Variants in CDH23 observed in about 807,000 individuals in gnomAD.
The protein encoded by CDH23 is cadherin related 23.
In CDH23, 189 loss-of-function variants were observed where a neutral mutation model predicts 317.1. The ratio of observed to expected loss-of-function variants is 0.60; its 90% CI spans 0.53 to 0.67. CDH23 has a LOEUF of 0.67. Among genes scored for constraint, CDH23 ranks in the 30% least tolerant of loss-of-function variants. The pLI, the probability that CDH23 is intolerant of heterozygous loss-of-function variation, is 0.00. For synonymous variants in CDH23, 1,839 were observed against 1,876.8 expected, an observed-to-expected ratio of 0.98 and a Z score of 0.52; for missense variants, 4,401 against 4,592.4, an observed-to-expected ratio of 0.96 and a Z score of 1.20.
At chr10:71,806,314 C>A (rs1408323487) in intron 57 of CDH23, 33 bp downstream of exon 57, 1 of 1,446,766 alleles carries the variant, frequency 6.9e-7, no homozygotes, top group Non-Finnish European at 9.5e-7. Context: ...CTGGTCACAC[C>A]CACACAGGGA....
Position 71,397,116 on chromosome 10 carries a change from C to CGGCAACTTTGATTCCTGGGAACT in CDH23, c.-208_-207insGGCAACTTTGATTCCTGGGAACT, listed in dbSNP as rs1847551986. ...GCGCCCAGTCCGAGCCCCCGGCGCGCCTGAAGTTGCGAGCGGCGAGCGGCG... is the reference window on the plus strand; with the variant it reads ...GCGCCCAGTCCGAGCCCCCGGCGCGCGGCAACTTTGATTCCTGGGAACTCTGAAGTTGCGAGCGGCGAGCGGCG... On this transcript the variant is annotated 5_prime_UTR_variant, in exon 1 of 70. It removes the in-frame stop codon of an upstream open reading frame in the 5' UTR. Coordinates refer to ENST00000224721, the MANE Select transcript of CDH23 (RefSeq NM_022124.6). This position sits in a 1 kb window ranked among gnomAD's most constrained non-coding sequence, Gnocchi z 4.8. 1.1e-5 allele frequency: 2 copies of CGGCAACTTTGATTCCTGGGAACT among 176,152 alleles called. No individual in the cohort carries two copies. The highest frequency in any genetic ancestry group is 2.4e-5 in the Non-Finnish European group (2 of 84,770). 10.9% of individuals were successfully genotyped at this position (176,152 alleles called of 1,614,324 possible).
intron 27 of CDH23, among the ~76,000 whole-genome samples, chr10:71,711,441 C>T (rs1411472734): frequency 6.6e-6 from 1 of 152,100 alleles, no homozygotes; most frequent in Non-Finnish European, 1.5e-5. Flanking sequence ...GCACCACCCC[C>T]TGGGGTGACC....
At chr10:71,734,410 G>A (rs1589384476) in intron 33 of CDH23, 69 bp downstream of exon 33, 1 of 1,510,770 alleles carries the variant, frequency 6.6e-7, no homozygotes, top group Non-Finnish European at 9.0e-7. Flanking sequence ...CCTAACCCAT[G>A]TCCTCGCCAG....
At chr10:71,671,182 A>G (rs1864131779) in intron 14 of CDH23, among the ~76,000 whole-genome samples, 2 of 150,732 alleles carry the variant, frequency 1.3e-5, no homozygotes, top group Admixed American at 1.3e-4. Context: ...CTGGTCTTGA[A>G]CTCCTGACCT....
intron 4 of CDH23, 111 bp from the exon 5 acceptor site, chr10:71,510,843 C>T: frequency 9.6e-7 from 1 of 1,043,374 alleles, no homozygotes; most frequent in Non-Finnish European, 1.5e-6. Context: ...TGCCTGGTTC[C>T]AGGCAAGCTC....
At position 71,690,551 on chromosome 10, in the gene CDH23, G is replaced by T. The variant is rs779489318; in HGVS notation, c.2143G>T (p.Gly715Cys). 4.4e-6 allele frequency: 7 copies of T among 1,608,636 alleles called. No individual in the cohort carries two copies. In the Admixed American group the frequency reaches 1.0e-4, roughly 23 times the overall value. Residue 715 changes from glycine (G) to cysteine (C), a missense_variant, in exon 20 of 70, where the codon GGC becomes TGC. By Grantham distance (159) the Gly-to-Cys change is radical. Around this residue, in one of 3 missense-constraint regions of CDH23, gnomAD observed 3,068 missense variants for 3,203.3 expected, o/e 0.96. Transcript: ENST00000224721. ...GQESIIYSLEGSTQFRINARS... is the reference protein window; with the variant it reads ...GQESIIYSLECSTQFRINARS... ...GGAGTCCATCATCTACTCCTTGGAA[G>T]GCTCCACCCAGTTTCGGATCAATGC...
intron 6 of CDH23, among the ~76,000 whole-genome samples, chr10:71,532,729 T>TTTTTTG (rs1855466966): frequency 2.0e-5 from 1 of 49,712 alleles, no homozygotes; most frequent in African/African-American, 1.2e-4. Flanking sequence ...TTTTTTTTGT[T>TTTTTTG]TTTTTTTTTT....
intron 17 of CDH23, among the ~76,000 whole-genome samples, chr10:71,679,811 C>T (rs970538476): frequency 3.9e-5 from 6 of 152,308 alleles, no homozygotes; most frequent in Non-Finnish European, 2.9e-5. Context: ...CAGGCAGGTC[C>T]GTGGGATGGA....
intron 38 of CDH23, among the ~76,000 whole-genome samples, chr10:71,764,326 T>C (rs527622398): frequency 3.3e-5 from 5 of 152,204 alleles, no homozygotes; most frequent in Admixed American, 3.3e-4. Flanking sequence ...ACAGAGAACT[T>C]ACGTAACTCA....
chr10:71,720,741 G>T (rs1330159040), intron 28 of CDH23, among the ~76,000 whole-genome samples: 5 of 152,244 alleles, frequency 3.3e-5, no homozygotes, highest in Admixed American at 3.3e-4. Context: ...GACTGTTAAA[G>T]CTGGAGAGGT....
rs1240089556 is a variant in CDH23 at position 71,731,898 on chromosome 10, AG to A, written c.3716-84del. ...GCAGCCCATGCTGGGTGGGCCACCC[AG>A]GGGGTATGGGTGTGGCAGCTTGAGA... is the stretch of plus-strand genomic sequence containing the variant. On this transcript the variant is annotated intron_variant, in intron 31 of 69. Coordinates refer to ENST00000224721, the MANE Select transcript of CDH23 (RefSeq NM_022124.6). The A allele has an allele frequency of 2.8e-6, 4 of 1,437,562 alleles. No homozygotes were observed. In the East Asian group the frequency reaches 7.3e-5, roughly 26 times the overall value. The allele number at this position is 1,437,562 out of a possible 1,614,324, so 89.1% of individuals were successfully genotyped here. A position where few individuals can be genotyped will look rare whatever the true frequency, so the allele number is the denominator to read the frequency against.
intron 3 of CDH23, among the ~76,000 whole-genome samples, chr10:71,478,590 C>T (rs1177340125): frequency 6.6e-6 from 1 of 152,208 alleles, no homozygotes; most frequent in Non-Finnish European, 1.5e-5. Context: ...TTTTACATCT[C>T]CAGGATCTGG....
rs1169298985 is a variant in CDH23, at chr10:71,806,079, A to G, written c.8064+82A>G. ...GCGGGTCTTGCACCTCGCCTCCTGGAAAGTCCCTAGGGGAACTGGCCACCG... is the reference window on the plus strand; with the variant it reads ...GCGGGTCTTGCACCTCGCCTCCTGGGAAGTCCCTAGGGGAACTGGCCACCG... On this transcript the variant is annotated intron_variant, in intron 56 of 69. Transcript: ENST00000224721. The G allele has an allele frequency of 5.2e-6, 8 of 1,534,100 alleles. No individual in the cohort carries two copies. The East Asian group carries it at 2.0e-4, about 38-fold the overall frequency.
intron 3 of CDH23, among the ~76,000 whole-genome samples, chr10:71,469,617 T>A (rs1851414674): frequency 6.6e-6 from 1 of 152,042 alleles, no homozygotes; most frequent in Non-Finnish European, 1.5e-5. Context: ...CCCCCCTTGT[T>A]TTTTTTGAGA....
chr10:71,490,488 A>C (rs1030065534), intron 3 of CDH23, among the ~76,000 whole-genome samples: 10 of 152,228 alleles, frequency 6.6e-5, no homozygotes, highest in Non-Finnish European at 4.4e-5. Flanking sequence ...TGAGTAGGTG[A>C]GTGAATAATG....
At chr10:71,692,270 C>A (rs544902784) in intron 20 of CDH23, among the ~76,000 whole-genome samples, 1 of 152,312 alleles carries the variant, frequency 6.6e-6, no homozygotes, top group African/African-American at 2.4e-5. Flanking sequence ...GCTCCCTGGC[C>A]TTTTAGCCAC....
chr10:71,655,346 C>T (rs1863372982), intron 14 of CDH23, among the ~76,000 whole-genome samples: 1 of 152,158 alleles, frequency 6.6e-6, no homozygotes, highest in Admixed American at 6.5e-5. Flanking sequence ...ATCCTCAACA[C>T]CCCTCAACCC....
rs1403410983 is a variant in CDH23, at chr10:71,811,714, C to T, written c.9280C>T (p.His3094Tyr). The change falls in exon 65 of 70, where the codon CAC becomes TAC. Residue 3094 changes from histidine to tyrosine, a missense_variant and splice_region_variant. His to Tyr is a moderately conservative substitution (Grantham distance 83). Transcript: ENST00000224721. ...VLMNWYYRTV[H>Y]KRKLKAIVAG... The stretch of plus-strand genomic sequence containing the variant: ...CAGCCCCTCTCTGCTTCTCTCCAGA[C>T]ACAAGAGGAAGCTCAAGGCCATTGT... 2.5e-6 allele frequency: 4 copies of T among 1,606,538 alleles called. No individual in the cohort carries two copies. Among genetic ancestry groups the T allele is most frequent in the Non-Finnish European group, 3.4e-6 (4 of 1,176,442 alleles).
intron 3 of CDH23, among the ~76,000 whole-genome samples, chr10:71,481,459 C>T (rs940828262): frequency 1.3e-5 from 2 of 152,142 alleles, no homozygotes; most frequent in African/African-American, 4.8e-5. Context: ...CCAAAGAGAA[C>T]AGGGTTTGAG....
Sources: gnomAD v4.1 joint callset for allele counts (sites outside exome capture counted in the v4.1 genomes callset) on GRCh38, gnomAD v4.1.1 for gene constraint, gnomAD v4.1.1 regional missense constraint, Gnocchi (gnomAD v3.1) non-coding constraint, MANE v1.5 for transcripts, NCBI Gene and HGNC (gene_info 2026-07-23, HGNC 2026-07-21) for gene names.